CCDC141: variants seen among roughly 807,000 people sequenced by gnomAD.
The protein encoded by CCDC141 is coiled-coil domain-containing protein 141.
Under a neutral mutation model 181.0 loss-of-function variants are expected in CCDC141, and 168 were observed. The observed-to-expected ratio is 0.93, with a 90% CI of 0.82 to 1.05. The LOEUF is 1.05. CCDC141 is among the 50% of genes least tolerant of loss of function. CCDC141 has a pLI of 0.00. For missense variants in CCDC141, 1,902 were observed against 1,788.5 expected (o/e 1.06, Z -1.14); for synonymous variants, 666 against 642.3 (o/e 1.04, Z -0.56).
At chr2:178,921,533 GT>G (rs533465496) in intron 6 of CCDC141, among the ~76,000 whole-genome samples, 14 of 150,912 alleles carry the variant, frequency 9.3e-5, no homozygotes, top group Middle Eastern at 3.4e-3. Context: ...AGTAAAACAG[GT>G]TTTTTTTTGT....
intron 2 of CCDC141, among the ~76,000 whole-genome samples, chr2:178,987,671 C>T (rs1204634585): frequency 6.0e-5 from 9 of 150,094 alleles, no homozygotes; most frequent in Admixed American, 5.3e-4. Context: ...CATGAACAGA[C>T]ACTTCTCAAA....
chr2:179,026,458 G>A (rs1040131676), intron 2 of CCDC141, among the ~76,000 whole-genome samples: 3 of 152,220 alleles, frequency 2.0e-5, no homozygotes, highest in African/African-American at 7.2e-5. Flanking sequence ...GAACTAAGGT[G>A]TGGGAACCTC....
intron 6 of CCDC141, among the ~76,000 whole-genome samples, chr2:178,937,416 C>CA (rs536607203): frequency 4.6e-5 from 7 of 152,202 alleles, no homozygotes; most frequent in South Asian, 4.2e-4. Flanking sequence ...TATGTTGAAC[C>CA]AACCTTGTAT....
At chr2:178,852,988 T>C (rs1161589427) in intron 20 of CCDC141, among the ~76,000 whole-genome samples, 1 of 152,216 alleles carries the variant, frequency 6.6e-6, no homozygotes, top group Non-Finnish European at 1.5e-5. Flanking sequence ...TTCTCAAATA[T>C]GTGAGCCAAA....
Position 178,872,181 on chromosome 2 carries a change from G to T in CCDC141, c.2031C>A (p.Ser677Arg), listed in dbSNP as rs1686147660. 3 of 1,613,816 alleles carry T rather than the reference G, an allele frequency of 1.9e-6. No homozygotes were observed. Among genetic ancestry groups the T allele is most frequent in the Middle Eastern group, 1.6e-4 (1 of 6,082 alleles). ...RLAWQLKATE[S>R]KPGKQQWAAF... ...CCGCCCACTGCTGTTTTCCAGGCTT[G>T]CTTTCCGTGGCTTTAAGCTGCCATG... The change falls in exon 13 of 24, where the codon AGC becomes AGA. Residue 677 changes from serine (S) to arginine (R), a missense_variant. Ser to Arg is a moderately radical substitution (Grantham distance 110, BLOSUM62 -1). Transcript: ENST00000443758.
Position 178,857,248 on chromosome 2 carries a change from G to C in CCDC141, c.2725-851C>G, listed in dbSNP as rs1373056590. On this transcript the variant is annotated intron_variant, in intron 17 of 23. Transcript: ENST00000443758. ...AGCTATCCATGTTGAAGAGGTCAAA[G>C]AAGCGTTGACATTTAGACCAGCCAG... Among the ~76,000 whole-genome samples the C allele has an allele frequency of 2.0e-5, 3 of 152,188 alleles. No homozygotes were observed. In the East Asian group the frequency reaches 5.8e-4, roughly 29 times the overall value.
chr2:178,967,498 TA>T (rs1290292843), intron 4 of CCDC141, among the ~76,000 whole-genome samples: 1 of 152,170 alleles, frequency 6.6e-6, no homozygotes, highest in African/African-American at 2.4e-5. Flanking sequence ...CTAAGCTTCA[TA>T]AGCGAAGGAG....
intron 16 of CCDC141, 151 bp from the exon 17 acceptor site, chr2:178,866,067 T>C (rs1334219236): frequency 8.8e-6 from 5 of 565,234 alleles, no homozygotes; most frequent in Non-Finnish European, 1.4e-5. Flanking sequence ...TATTTGAACA[T>C]AATTATTTCA....
chr2:178,924,288 T>A (rs1248709260), intron 6 of CCDC141, among the ~76,000 whole-genome samples: 1 of 152,208 alleles, frequency 6.6e-6, no homozygotes, highest in Non-Finnish European at 1.5e-5. Context: ...CATGTATAGT[T>A]CCCAAAGCAT....
At position 178,833,139 on chromosome 2, in the gene CCDC141, T is replaced by C. The variant is rs914466075; in HGVS notation, c.*1034A>G. 6 of 152,128 alleles carry C rather than the reference T, an allele frequency of 3.9e-5. No individual in the cohort carries two copies. Among genetic ancestry groups the C allele is most frequent in the African/African-American group, 1.4e-4 (6 of 41,444 alleles). 9.4% of individuals were successfully genotyped at this position (152,128 alleles called of 1,614,324 possible). A position where few individuals can be genotyped will look rare whatever the true frequency, so the allele number is the denominator to read the frequency against. ...TTCCTCCATGGAACTAGTTGAAGAT[T>C]ACATATTAACAGCACTCCTTTAATT... On this transcript the variant is annotated 3_prime_UTR_variant, in exon 24 of 24. Transcript: ENST00000443758.
At chr2:178,855,245 G>A in intron 19 of CCDC141, 102 bp downstream of exon 19, 4 of 908,902 alleles carry the variant, frequency 4.4e-6, no homozygotes, top group Middle Eastern at 2.2e-4. Context: ...CATGATACAT[G>A]AATATAATGA....
intron 2 of CCDC141, among the ~76,000 whole-genome samples, chr2:179,017,233 T>A (rs1474982957): frequency 1.3e-5 from 2 of 152,090 alleles, no homozygotes; most frequent in African/African-American, 2.4e-5. Flanking sequence ...TAGTTGACTT[T>A]TGAAAAAAAA....
intron 17 of CCDC141, among the ~76,000 whole-genome samples, chr2:178,858,992 G>C (rs1320576078): frequency 1.3e-5 from 2 of 152,154 alleles, no homozygotes; most frequent in Non-Finnish European, 2.9e-5. Context: ...ACTGATAAAT[G>C]ATGAGTGTGA....
chr2:178,928,524 C>T (rs754018352), intron 6 of CCDC141, among the ~76,000 whole-genome samples: 1 of 152,012 alleles, frequency 6.6e-6, no homozygotes, highest in Non-Finnish European at 1.5e-5. Flanking sequence ...GCCATGCTTT[C>T]CGGGACATTT....
intron 6 of CCDC141, among the ~76,000 whole-genome samples, chr2:178,941,200 G>T (rs1251806227): frequency 6.6e-6 from 1 of 152,026 alleles, no homozygotes; most frequent in Non-Finnish European, 1.5e-5. Context: ...GCCATATTCT[G>T]GTTTGACCAC....
At chr2:178,935,009 T>G (rs1689230012) in intron 6 of CCDC141, among the ~76,000 whole-genome samples, 2 of 152,180 alleles carry the variant, frequency 1.3e-5, no homozygotes, top group Admixed American at 1.3e-4. Context: ...ATTAGATTGT[T>G]GAAAAACCAC....
chr2:178,934,581 C>A (rs987044146), intron 6 of CCDC141, among the ~76,000 whole-genome samples: 8 of 152,100 alleles, frequency 5.3e-5, no homozygotes, highest in Admixed American at 2.6e-4. Context: ...ATTTAAAAAT[C>A]CTTTAGTTCA....
At chr2:178,837,970 T>G (rs932084226) in intron 22 of CCDC141, among the ~76,000 whole-genome samples, 5 of 152,124 alleles carry the variant, frequency 3.3e-5, no homozygotes, top group African/African-American at 1.2e-4. Flanking sequence ...AAGTTCTGAG[T>G]AAAGTGTGAT....
intron 2 of CCDC141, among the ~76,000 whole-genome samples, chr2:179,039,066 A>T (rs1354583415): frequency 1.3e-5 from 2 of 152,174 alleles, no homozygotes; most frequent in East Asian, 3.8e-4. Context: ...CTTTTCTGGA[A>T]TCCTTCTTTT....
Sources: allele counts gnomAD v4.1 joint callset (sites outside exome capture counted in the v4.1 genomes callset), GRCh38; gene constraint gnomAD v4.1.1; transcripts MANE v1.5; gene names NCBI Gene and HGNC (gene_info 2026-07-23, HGNC 2026-07-21).